CDH18: variants seen among roughly 807,000 people sequenced by gnomAD.
The protein encoded by CDH18 is cadherin-18.
CDH18 carries 31 observed loss-of-function variants against 67.9 expected under a neutral mutation model. The ratio of observed to expected loss-of-function variants is 0.46; its 90% CI spans 0.34 to 0.62. The LOEUF is 0.62. CDH18 is among the 20% of genes least tolerant of loss of function. The probability of loss-of-function intolerance (pLI) is 0.01; values close to 1 mark genes in which losing one functional copy is unlikely to be tolerated. For missense variants in CDH18, 890 were observed against 975.5 expected (o/e 0.91, Z 1.17); for synonymous variants, 362 against 347.2 (o/e 1.04, Z -0.48).
chr5:20,059,581 A>G (rs552325211), intron 2 of CDH18, among the ~76,000 whole-genome samples: 1 of 152,318 alleles, frequency 6.6e-6, no homozygotes, highest in Admixed American at 6.5e-5. Context: ...TAGAACCAGA[A>G]ATACCATTTG....
intron 11 of CDH18, among the ~76,000 whole-genome samples, chr5:19,490,478 G>A (rs1043534533): frequency 1.1e-4 from 14 of 128,112 alleles, no homozygotes; most frequent in South Asian, 5.2e-4. Context: ...GCAGTGGTGC[G>A]ATCTTGGCTT....
At chr5:20,414,559 C>T (rs1347948698) in intron 1 of CDH18, among the ~76,000 whole-genome samples, 1 of 152,080 alleles carries the variant, frequency 6.6e-6, no homozygotes, top group Non-Finnish European at 1.5e-5. Flanking sequence ...GCCCAAACCC[C>T]AGCATTACAC....
intron 1 of CDH18, among the ~76,000 whole-genome samples, chr5:20,316,074 A>G (rs954415217): frequency 6.6e-6 from 1 of 152,146 alleles, no homozygotes; most frequent in Non-Finnish European, 1.5e-5. Flanking sequence ...TCTAACTAGC[A>G]GTGTGAGCTT....
At chr5:20,469,196 C>T (rs1751876615) in intron 1 of CDH18, among the ~76,000 whole-genome samples, 1 of 152,140 alleles carries the variant, frequency 6.6e-6, no homozygotes, top group Admixed American at 6.5e-5. Flanking sequence ...GCTCAAGACC[C>T]AGTCTGAATT....
At chr5:20,527,631 C>T (rs890905005) in intron 1 of CDH18, among the ~76,000 whole-genome samples, 4 of 151,978 alleles carry the variant, frequency 2.6e-5, no homozygotes, top group African/African-American at 9.7e-5. Flanking sequence ...AAAGAATTTC[C>T]AACCAAGAAT....
At chr5:19,828,909 G>A (rs1178816739) in intron 3 of CDH18, among the ~76,000 whole-genome samples, 1 of 152,118 alleles carries the variant, frequency 6.6e-6, no homozygotes, top group East Asian at 1.9e-4. Flanking sequence ...GTGGTGGCAT[G>A]TGCCTGTAAT....
intron 8 of CDH18, among the ~76,000 whole-genome samples, chr5:19,568,618 G>A (rs184520314): frequency 2.4e-3 from 361 of 152,092 alleles, no homozygotes; most frequent in Non-Finnish European, 3.4e-3. Flanking sequence ...GTGTGCTCTC[G>A]TAAAAAGAAA....
intron 2 of CDH18, among the ~76,000 whole-genome samples, chr5:19,896,344 C>T (rs999296891): frequency 6.6e-6 from 1 of 151,868 alleles, no homozygotes; most frequent in Non-Finnish European, 1.5e-5. Flanking sequence ...AGTAAAACTC[C>T]CTCTCAAAAA....
intron 4 of CDH18, among the ~76,000 whole-genome samples, chr5:19,739,696 A>G (rs1397490014): frequency 6.6e-6 from 1 of 152,222 alleles, no homozygotes; most frequent in Non-Finnish European, 1.5e-5. Context: ...CAGTTGTCCA[A>G]TGTGTCTCTT....
intron 1 of CDH18, among the ~76,000 whole-genome samples, chr5:20,530,036 A>T (rs192092117): frequency 6.6e-6 from 1 of 152,222 alleles, no homozygotes; most frequent in Non-Finnish European, 1.5e-5. Flanking sequence ...CAAATTCAGC[A>T]AAGTCTCAGG....
At chr5:19,585,935 C>T (rs1046334176) in intron 7 of CDH18, among the ~76,000 whole-genome samples, 2 of 152,034 alleles carry the variant, frequency 1.3e-5, no homozygotes, top group Non-Finnish European at 2.9e-5. Context: ...TGACAGACAC[C>T]CCAATTCAGT....
At chr5:19,871,608 T>C (rs1287894860) in intron 2 of CDH18, among the ~76,000 whole-genome samples, 2 of 152,182 alleles carry the variant, frequency 1.3e-5, no homozygotes, top group Non-Finnish European at 1.5e-5. Flanking sequence ...CTATTTTGGG[T>C]TTTTATAAAA....
intron 2 of CDH18, among the ~76,000 whole-genome samples, chr5:20,209,150 G>A (rs564303065): frequency 1.3e-5 from 2 of 152,174 alleles, no homozygotes; most frequent in Admixed American, 6.6e-5. Context: ...TATACTGTTG[G>A]TAGAAAGGTA....
chr5:19,600,435 C>T (rs62349558), intron 6 of CDH18, among the ~76,000 whole-genome samples: 8,669 of 151,122 alleles, frequency 0.057, 282 homozygotes, highest in Non-Finnish European at 0.074. Flanking sequence ...CTTATATCTA[C>T]TGAGCCAGCT....
intron 2 of CDH18, among the ~76,000 whole-genome samples, chr5:19,849,655 CAT>C (rs1266960203): frequency 0.013 from 440 of 33,244 alleles, 32 homozygotes; most frequent in African/African-American, 0.028. Flanking sequence ...TATATATAAA[CAT>C]ATATATATAC....
intron 10 of CDH18, among the ~76,000 whole-genome samples, chr5:19,513,677 T>C (rs1474207138): frequency 6.6e-6 from 1 of 152,168 alleles, no homozygotes; most frequent in Non-Finnish European, 1.5e-5. Context: ...ATCTTCTTTA[T>C]TATATGCATT....
At chr5:19,558,568 T>C (rs1738869432) in intron 8 of CDH18, among the ~76,000 whole-genome samples, 1 of 151,738 alleles carries the variant, frequency 6.6e-6, no homozygotes, top group Admixed American at 6.6e-5. Context: ...TTCCTGGAAA[T>C]ATACAACCCT....
intron 2 of CDH18, among the ~76,000 whole-genome samples, chr5:19,999,394 G>C (rs1399997402): frequency 2.0e-5 from 3 of 152,136 alleles, no homozygotes; most frequent in Non-Finnish European, 4.4e-5. Context: ...GAGATCAGGA[G>C]TTTGAGACCA....
chr5:20,419,554 C>A (rs1747679648), intron 1 of CDH18, among the ~76,000 whole-genome samples: 1 of 136,616 alleles, frequency 7.3e-6, no homozygotes, highest in Non-Finnish European at 1.5e-5. Flanking sequence ...CGGCTCACTG[C>A]AAGCTCTGCC....
Sources: gnomAD v4.1 joint callset for allele counts (sites outside exome capture counted in the v4.1 genomes callset) on GRCh38, gnomAD v4.1.1 for gene constraint, MANE v1.5 for transcripts, NCBI Gene and HGNC (gene_info 2026-07-23, HGNC 2026-07-21) for gene names.